WDR59: variants seen among roughly 807,000 people sequenced by gnomAD.
WDR59 encodes WD repeat domain 59.
WDR59 carries 100 observed loss-of-function variants against 131.2 expected under a neutral mutation model. The observed-to-expected ratio is 0.76, with a 90% CI of 0.65 to 0.90. The LOEUF (loss-of-function observed/expected upper bound fraction) is 0.90, where lower values mean the gene tolerates loss of function less well. Ranked by LOEUF, WDR59 falls within the 40% of genes least tolerant of loss-of-function variation. WDR59 has a pLI of 0.00. For synonymous variants in WDR59, 601 were observed against 466.2 expected, an observed-to-expected ratio of 1.29 and a Z score of -3.72; for missense variants, 1,203 against 1,262.2, an observed-to-expected ratio of 0.95 and a Z score of 0.71.
chr16:74,982,226 T>G lies in WDR59; in HGVS notation c.54+2738A>C, dbSNP rs528245368. The stretch of plus-strand genomic sequence containing the variant: ...ATTCATAAAGGCATTATGAAGAGTT[T>G]TAACTTTGTCTTTCTACATTAACAA... On this transcript the variant is annotated intron_variant, in intron 1 of 25. Transcript: ENST00000262144. 3.5e-3 allele frequency among the ~76,000 whole-genome samples: 530 copies of G among 152,036 alleles called. 3 individuals carry two copies. Among genetic ancestry groups the G allele is most frequent in the African/African-American group, 0.012 (502 of 41,526 alleles).
intron 17 of WDR59, among the ~76,000 whole-genome samples, chr16:74,906,116 C>G (rs2144902117): frequency 6.6e-6 from 1 of 151,906 alleles, no homozygotes; most frequent in South Asian, 2.1e-4. Flanking sequence ...AGATCGAGAC[C>G]ATCCTGGCTA....
chr16:74,896,200 A>C (rs900718317), intron 18 of WDR59, among the ~76,000 whole-genome samples: 1 of 151,934 alleles, frequency 6.6e-6, no homozygotes, highest in African/African-American at 2.4e-5. Context: ...CCAGGCAGTC[A>C]CTCTGGTTCT....
At chr16:74,926,321 G>C (rs2030810764) in intron 8 of WDR59, among the ~76,000 whole-genome samples, 1 of 152,252 alleles carries the variant, frequency 6.6e-6, no homozygotes, top group East Asian at 1.9e-4. Flanking sequence ...GCCTCCCAGA[G>C]TGCTGGGATT....
chr16:74,885,986 G>C (rs556856131), intron 24 of WDR59, 191 bp from the exon 25 acceptor site: 191 of 711,498 alleles, frequency 2.7e-4, no homozygotes, highest in Non-Finnish European at 4.0e-4. Flanking sequence ...AGACCAGCCT[G>C]GCCAACATGG....
chr16:74,984,875 C>T lies in WDR59; in HGVS notation c.54+89G>A, dbSNP rs1406125258. The stretch of plus-strand genomic sequence containing the variant: ...CTCAGTACGGGGCCTAGGGTCTCCC[C>T]GTAGCCCCCCGGGACGGAAGCAGCC... On this transcript the variant is annotated intron_variant, in intron 1 of 25. Coordinates refer to ENST00000262144, the MANE Select transcript of WDR59 (RefSeq NM_030581.4). 3.9e-6 allele frequency: 6 copies of T among 1,543,440 alleles called. No individual in the cohort carries two copies. The South Asian group carries it at 4.7e-5, about 12-fold the overall frequency.
chr16:74,886,402 G>A lies in WDR59; in HGVS notation c.2420-6C>T. Reference sequence around the variant, plus strand: ...GTGCTCTGCCTCTCTTCCCGCTGAAGAAAATCAAATGGGAAGGGAAGATGG... The same window carrying A: ...GTGCTCTGCCTCTCTTCCCGCTGAAAAAAATCAAATGGGAAGGGAAGATGG... On this transcript the variant is annotated splice_polypyrimidine_tract_variant and splice_region_variant and intron_variant, in intron 23 of 25. Transcript: ENST00000262144. 3 of 1,611,784 alleles carry A rather than the reference G, an allele frequency of 1.9e-6. No individual in the cohort carries two copies. The highest frequency in any genetic ancestry group is 1.7e-6 in the Non-Finnish European group (2 of 1,179,460).
intron 2 of WDR59, among the ~76,000 whole-genome samples, chr16:74,957,400 G>A (rs1439259616): frequency 6.6e-6 from 1 of 152,012 alleles, no homozygotes; most frequent in Non-Finnish European, 1.5e-5. Flanking sequence ...ATCTCTGTAT[G>A]CTTCACATCG....
chr16:74,936,358 C>T (rs981977902), intron 8 of WDR59, among the ~76,000 whole-genome samples: 5 of 152,130 alleles, frequency 3.3e-5, no homozygotes, highest in Middle Eastern at 6.8e-3. Flanking sequence ...ATAAAGTCCT[C>T]CCAGGAAACT....
At position 74,980,372 on chromosome 16, in the gene WDR59, T is replaced by A. The variant is rs531301399; in HGVS notation, c.54+4592A>T. Among the ~76,000 whole-genome samples, 30 of 151,612 alleles carry A rather than the reference T, an allele frequency of 2.0e-4. No homozygotes were observed. The East Asian group carries it at 5.3e-3, about 27-fold the overall frequency. On this transcript the variant is annotated intron_variant, in intron 1 of 25. Coordinates refer to ENST00000262144, the MANE Select transcript of WDR59 (RefSeq NM_030581.4). ...AATCTAAGTCTTTTTTTTTTTTTTT[T>A]TTGAGACAGAGTTTCGCTCTTGCCC... is the stretch of plus-strand genomic sequence containing the variant.
chr16:74,966,180 T>C lies in WDR59; in HGVS notation c.55-358A>G, dbSNP rs565453944. On this transcript the variant is annotated intron_variant, in intron 1 of 25. Coordinates refer to ENST00000262144, the MANE Select transcript of WDR59 (RefSeq NM_030581.4). ...GACTACATGCAACCAAGCTGGTACA[T>C]TCTAAATTGAAAAGACAGGCTGGGC... 1.1e-4 allele frequency among the ~76,000 whole-genome samples: 16 copies of C among 152,122 alleles called. No individual in the cohort carries two copies. The South Asian group carries it at 3.1e-3, about 30-fold the overall frequency.
chr16:74,924,043 C>A (rs2030531586), intron 8 of WDR59, 40 bp from the exon 9 acceptor site: 1 of 1,588,738 alleles, frequency 6.3e-7, no homozygotes, highest in South Asian at 1.1e-5. Flanking sequence ...AAATAAATGC[C>A]ATTAAAAAAT....
intron 24 of WDR59, 157 bp downstream of exon 24, chr16:74,886,113 G>C: frequency 1.1e-6 from 1 of 943,678 alleles, no homozygotes; most frequent in Non-Finnish European, 1.5e-6. Flanking sequence ...GGGAAGCAGA[G>C]GTTGCAGAGA....
In WDR59 at chr16:74,912,351, T is replaced by A. The variant is rs1966139929; in HGVS notation, c.1236A>T (p.Ala412=). ...GCACAGACACTGTGCAGCTCCTGTC[T>A]GCCGCATCCATCTGCAAGAGACAAA... ...IRNVNVEMDA[A]DRSCTVSVHC... is the part of the protein sequence containing the mutation. Residue 412 remains alanine, a synonymous_variant, in exon 14 of 26, where the codon GCA becomes GCT. Coordinates refer to ENST00000262144, the MANE Select transcript of WDR59 (RefSeq NM_030581.4). 1 of 1,612,544 alleles carries A rather than the reference T, an allele frequency of 6.2e-7. No homozygotes were observed. The highest frequency in any genetic ancestry group is 8.5e-7 in the Non-Finnish European group (1 of 1,179,210).
chr16:74,949,742 G>T lies in WDR59; in HGVS notation c.383C>A (p.Thr128Asn). 1 of 1,613,908 alleles carries T rather than the reference G, an allele frequency of 6.2e-7. No homozygotes were observed. Among genetic ancestry groups the T allele is most frequent in the Non-Finnish European group, 8.5e-7 (1 of 1,179,908 alleles). ...PDLLVTSSVDTYIYIWDIKDT... is the reference protein window; with the variant it reads ...PDLLVTSSVDNYIYIWDIKDT... ...CTTGATATCCCAAATGTAGATGTAG[G>T]TGTCCACAGAGCTGGTAACCAGGAG... is the stretch of plus-strand genomic sequence containing the variant. Residue 128 changes from threonine to asparagine, a missense_variant, in exon 5 of 26, where the codon ACC (threonine) becomes AAC (asparagine). Transcript: ENST00000262144.
At chr16:74,973,404 A>G (rs1328720642) in intron 1 of WDR59, among the ~76,000 whole-genome samples, 3 of 152,274 alleles carry the variant, frequency 2.0e-5, no homozygotes, top group South Asian at 2.1e-4. Context: ...CTCCTGCCTC[A>G]GCCTCCTGAG....
rs373296100 is a variant in WDR59 at position 74,980,388 on chromosome 16, G to A, written c.54+4576C>T. On this transcript the variant is annotated intron_variant, in intron 1 of 25. Transcript: ENST00000262144. ...TTTTTTTTTTTTGAGACAGAGTTTC[G>A]CTCTTGCCCAGGCTGTAGTGCAACG... is the stretch of plus-strand genomic sequence containing the variant. 4.4e-3 allele frequency among the ~76,000 whole-genome samples: 571 copies of A among 131,030 alleles called. 1 individual carries two copies. The highest frequency in any genetic ancestry group is 0.015 in the African/African-American group (519 of 34,544). The allele number at this position is 131,030 out of a possible 152,430, so 86.0% of individuals were successfully genotyped here.
At position 74,914,401 on chromosome 16, in the gene WDR59, C is replaced by T. The variant is rs142001720; in HGVS notation, c.1224+1469G>A. Among the ~76,000 whole-genome samples, 40 of 152,184 alleles carry T rather than the reference C, an allele frequency of 2.6e-4. 1 individual carries two copies. Among genetic ancestry groups the T allele is most frequent in the African/African-American group, 8.9e-4 (37 of 41,522 alleles). ...TAATTAAGCAAAGAATCCTTTATAT[C>T]TTTTCATTTCTTGTGTTGCCAACTA... On this transcript the variant is annotated intron_variant, in intron 13 of 25. Transcript: ENST00000262144.
At chr16:74,954,377 C>T (rs925406709) in intron 3 of WDR59, among the ~76,000 whole-genome samples, 2 of 152,170 alleles carry the variant, frequency 1.3e-5, no homozygotes, top group Non-Finnish European at 2.9e-5. Flanking sequence ...CACTGCACTC[C>T]AGCCTGGGCA....
intron 7 of WDR59, among the ~76,000 whole-genome samples, chr16:74,939,003 C>T (rs183931853): frequency 6.8e-6 from 1 of 148,130 alleles, no homozygotes; most frequent in African/African-American, 2.5e-5. Context: ...ATGTACATCA[C>T]AAAAAAAAAC....
Sources: gnomAD v4.1 joint callset for allele counts (sites outside exome capture counted in the v4.1 genomes callset) on GRCh38, gnomAD v4.1.1 for gene constraint, MANE v1.5 for transcripts, NCBI Gene and HGNC (gene_info 2026-07-23, HGNC 2026-07-21) for gene names.